Variants in DGKB observed in about 807,000 individuals in gnomAD.
DGKB encodes diacylglycerol kinase beta, also known as 90 kDa diacylglycerol kinase.
Under a neutral mutation model 114.3 loss-of-function variants are expected in DGKB, and 67 were observed. That is an observed-to-expected ratio of 0.59 (90% CI 0.48 to 0.72). DGKB has a LOEUF of 0.72. DGKB is among the 30% of genes least tolerant of loss of function. The pLI is 0.00. For missense variants in DGKB, 907 were observed against 975.2 expected (o/e 0.93, Z 0.93); for synonymous variants, 398 against 323.1 (o/e 1.23, Z -2.49).
Position 14,272,101 on chromosome 7 carries a change from T to C in DGKB, c.2122+66414A>G, listed in dbSNP as rs555210796. On this transcript the variant is annotated intron_variant, in intron 23 of 25. Coordinates refer to ENST00000402815, the MANE Select transcript of DGKB (RefSeq NM_001350709.2). ...ATGCATATACAACTTAATAATCTGA[T>C]GTGCAAGGCAAAATGAGATTAAAAA... Among the ~76,000 whole-genome samples the C allele has an allele frequency of 2.6e-5, 4 of 152,320 alleles. No individual in the cohort carries two copies. In the South Asian group the frequency reaches 8.3e-4, roughly 32 times the overall value.
intron 13 of DGKB, among the ~76,000 whole-genome samples, chr7:14,649,451 A>AT (rs1813923707): frequency 6.6e-6 from 1 of 151,298 alleles, no homozygotes; most frequent in South Asian, 2.1e-4. Flanking sequence ...ATGCTGAGAG[A>AT]TTTTGTCACC....
intron 20 of DGKB, among the ~76,000 whole-genome samples, chr7:14,493,930 ACAC>A (rs1563318139): frequency 9.7e-5 from 14 of 144,172 alleles, no homozygotes; most frequent in South Asian, 2.2e-4. Context: ...TATCATACAC[ACAC>A]ACACACACAC....
chr7:14,298,268 AC>A (rs1802921709), intron 23 of DGKB, among the ~76,000 whole-genome samples: 1 of 152,174 alleles, frequency 6.6e-6, no homozygotes, highest in South Asian at 2.1e-4. Context: ...AGCAAAAAGA[AC>A]AAAGCTGGAG....
chr7:14,925,658 T>C (rs1033779726), intron 1 of DGKB, among the ~76,000 whole-genome samples: 1 of 152,190 alleles, frequency 6.6e-6, no homozygotes, highest in African/African-American at 2.4e-5. Context: ...TTTAGAGCAA[T>C]TGTAAATCGT....
intron 17 of DGKB, among the ~76,000 whole-genome samples, chr7:14,605,345 T>C (rs1804284946): frequency 6.8e-6 from 1 of 146,844 alleles, no homozygotes; most frequent in Non-Finnish European, 1.5e-5. Context: ...ATATTTCATA[T>C]ATATATTTCA....
intron 20 of DGKB, among the ~76,000 whole-genome samples, chr7:14,528,570 G>C (rs1452085074): frequency 6.6e-6 from 1 of 151,968 alleles, no homozygotes; most frequent in Non-Finnish European, 1.5e-5. Context: ...GAATTATGAA[G>C]TAATCTGTAG....
At chr7:14,258,945 C>A (rs867587205) in intron 23 of DGKB, among the ~76,000 whole-genome samples, 11 of 152,098 alleles carry the variant, frequency 7.2e-5, no homozygotes, top group African/African-American at 2.7e-4. Flanking sequence ...AATTTTGACT[C>A]TTAAAGCCTG....
intron 23 of DGKB, among the ~76,000 whole-genome samples, chr7:14,206,390 G>A (rs1584444866): frequency 6.6e-6 from 1 of 152,008 alleles, no homozygotes; most frequent in East Asian, 1.9e-4. Context: ...GGTTTCAGGA[G>A]GAGAAACAGC....
intron 23 of DGKB, among the ~76,000 whole-genome samples, chr7:14,184,703 A>G (rs1299563376): frequency 6.6e-6 from 1 of 152,090 alleles, no homozygotes. Flanking sequence ...TCACCCTGGT[A>G]GTGGAAGACA....
intron 23 of DGKB, among the ~76,000 whole-genome samples, chr7:14,321,600 T>G (rs111738531): frequency 2.2e-5 from 1 of 46,174 alleles, no homozygotes; most frequent in Non-Finnish European, 4.6e-5. Context: ...AACAGAGAAA[T>G]AAGAAAAAAA....
chr7:14,585,386 C>G (rs576076564), intron 17 of DGKB, among the ~76,000 whole-genome samples: 78 of 152,270 alleles, frequency 5.1e-4, no homozygotes, highest in African/African-American at 1.8e-3. Flanking sequence ...GAGCACTACT[C>G]TGAATACTGA....
At chr7:14,572,406 C>A (rs772088013) in intron 20 of DGKB, among the ~76,000 whole-genome samples, 2 of 150,304 alleles carry the variant, frequency 1.3e-5, no homozygotes, top group Admixed American at 6.6e-5. Context: ...GAGCCGAGAT[C>A]GTGCCACTGC....
At chr7:14,459,025 G>A (rs538919401) in intron 21 of DGKB, among the ~76,000 whole-genome samples, 12 of 152,238 alleles carry the variant, frequency 7.9e-5, no homozygotes, top group African/African-American at 2.2e-4. Context: ...GGGGAGGGGC[G>A]TCCGCCATTA....
chr7:14,383,839 C>T (rs1339055404), intron 21 of DGKB, among the ~76,000 whole-genome samples: 1 of 152,190 alleles, frequency 6.6e-6, no homozygotes, highest in African/African-American at 2.4e-5. Context: ...GAATTCAAAT[C>T]TGGGTTCTAA....
chr7:14,439,844 G>A lies in DGKB; in HGVS notation c.1835+38317C>T, dbSNP rs1489038722. The stretch of plus-strand genomic sequence containing the variant: ...CATGCCACTGCACTCCAGCCTGGAC[G>A]ACAGAGTGAGACTCTGTTTCCAAAA... On this transcript the variant is annotated intron_variant, in intron 21 of 25. Coordinates refer to ENST00000402815, the MANE Select transcript of DGKB (RefSeq NM_001350709.2). Among the ~76,000 whole-genome samples the A allele has an allele frequency of 3.8e-5, 5 of 130,904 alleles. 1 individual carries two copies. The highest frequency in any genetic ancestry group is 4.9e-4 in the South Asian group (2 of 4,078). The allele number at this position is 130,904 out of a possible 152,430, so 85.9% of individuals were successfully genotyped here. A position where few individuals can be genotyped will look rare whatever the true frequency, so the allele number is the denominator to read the frequency against.
At chr7:14,586,558 C>T (rs1327088891) in intron 17 of DGKB, among the ~76,000 whole-genome samples, 2 of 152,060 alleles carry the variant, frequency 1.3e-5, no homozygotes, top group Admixed American at 6.6e-5. Flanking sequence ...GACAACATAG[C>T]CTTCTAATGG....
chr7:14,237,731 A>C (rs751741598), intron 23 of DGKB, among the ~76,000 whole-genome samples: 2 of 151,998 alleles, frequency 1.3e-5, no homozygotes, highest in African/African-American at 4.8e-5. Context: ...GCTAAAATGC[A>C]TTGTTATCTT....
At chr7:14,908,699 A>C (rs1027499892) in intron 1 of DGKB, among the ~76,000 whole-genome samples, 2 of 152,128 alleles carry the variant, frequency 1.3e-5, no homozygotes, top group African/African-American at 4.8e-5. Context: ...TTTTTTATTA[A>C]ATGAAATCTT....
At chr7:14,269,941 GAATT>G (rs374108592) in intron 23 of DGKB, among the ~76,000 whole-genome samples, 262 of 147,528 alleles carry the variant, frequency 1.8e-3, no homozygotes, top group African/African-American at 6.2e-3. Context: ...TTAAGACAAG[GAATT>G]AATAAGTAGG....
Sources: allele counts gnomAD v4.1 joint callset (sites outside exome capture counted in the v4.1 genomes callset), GRCh38; gene constraint gnomAD v4.1.1; transcripts MANE v1.5; gene names NCBI Gene and HGNC (gene_info 2026-07-23, HGNC 2026-07-21).